Variants in FAT4 observed in about 807,000 individuals in gnomAD.
FAT4 encodes the protein protocadherin Fat 4.
Under a neutral mutation model 303.9 loss-of-function variants are expected in FAT4, and 84 were observed. The ratio of observed to expected loss-of-function variants is 0.28; its 90% CI spans 0.23 to 0.33. FAT4 has a LOEUF of 0.33. Among genes scored for constraint, FAT4 ranks in the 10% least tolerant of loss-of-function variants. FAT4 has a pLI of 1.00. For synonymous variants in FAT4, 2,307 were observed against 2,298.8 expected (o/e 1.00, Z -0.10); for missense variants, 6,005 against 6,146.8 (o/e 0.98, Z 0.77).
chr4:125,340,000 G>A (rs1731722314), intron 2 of FAT4, among the ~76,000 whole-genome samples: 1 of 151,914 alleles, frequency 6.6e-6, no homozygotes, highest in Admixed American at 6.6e-5. Context: ...GAAATGAATC[G>A]TGAATAAAAA....
At chr4:125,472,072 C>CAA (rs774403195) in intron 12 of FAT4, among the ~76,000 whole-genome samples, 12,495 of 73,162 alleles carry the variant, frequency 0.17, 1,202 homozygotes, top group Middle Eastern at 0.27. Context: ...GACTCTGTCT[C>CAA]AAAAAAAAAA....
intron 4 of FAT4, among the ~76,000 whole-genome samples, chr4:125,408,094 C>G (rs1734691897): frequency 6.6e-6 from 1 of 152,108 alleles, no homozygotes; most frequent in Admixed American, 6.6e-5. Flanking sequence ...TTGGAATCCT[C>G]AGTTCCTGAC....
chr4:125,442,538 CCTG>C (rs1725695198), intron 8 of FAT4, among the ~76,000 whole-genome samples: 1 of 152,056 alleles, frequency 6.6e-6, no homozygotes, highest in Non-Finnish European at 1.5e-5. Context: ...AAATTCCACA[CCTG>C]ATACCTTTGC....
intron 8 of FAT4, among the ~76,000 whole-genome samples, chr4:125,436,838 G>T (rs1031601320): frequency 6.6e-6 from 1 of 151,950 alleles, no homozygotes; most frequent in Admixed American, 6.6e-5. Flanking sequence ...GACACATGGG[G>T]ATTATTTTTA....
chr4:125,489,167 T>C lies in FAT4; in HGVS notation c.13085-734T>C, dbSNP rs140107531. Among the ~76,000 whole-genome samples, 252 of 152,338 alleles carry C rather than the reference T, an allele frequency of 1.7e-3. 1 individual carries two copies. Among genetic ancestry groups the C allele is most frequent in the Middle Eastern group, 6.8e-3 (2 of 294 alleles). ...TGTGAGAAAACAAACCAATGGAAAT[T>C]ACGCTTTTTGTAGTGTCAAAATAGA... On this transcript the variant is annotated intron_variant, in intron 17 of 17. Coordinates refer to ENST00000394329, the MANE Select transcript of FAT4 (RefSeq NM_001291303.3).
At chr4:125,484,331 A>G (rs1204213062) in intron 16 of FAT4, among the ~76,000 whole-genome samples, 1 of 152,186 alleles carries the variant, frequency 6.6e-6, no homozygotes, top group Non-Finnish European at 1.5e-5. Context: ...AAAACTTTGT[A>G]GGCCAATATT....
In FAT4 at chr4:125,448,999, T is replaced by C. The variant is rs1435133648; in HGVS notation, c.7989T>C (p.Asp2663=). Reference sequence around the variant, plus strand: ...AGAAACTTGATATAACAGTATTAGATGTCAATGATAATGCCCCAATTTTTA... The same window carrying C: ...AGAAACTTGATATAACAGTATTAGACGTCAATGATAATGCCCCAATTTTTA... ...SYEKLDITVL[D]VNDNAPIFKE... is the part of the protein sequence containing the mutation. Residue 2663 remains aspartate, a synonymous_variant, in exon 10 of 18, where the codon GAT becomes GAC. Coordinates refer to ENST00000394329, the MANE Select transcript of FAT4 (RefSeq NM_001291303.3). 8 of 1,613,948 alleles carry C rather than the reference T, an allele frequency of 5.0e-6. No individual in the cohort carries two copies. Among genetic ancestry groups the C allele is most frequent in the South Asian group, 4.4e-5 (4 of 91,078 alleles).
rs1725987827 is a variant in FAT4, at chr4:125,449,950, C to A, written c.8940C>A (p.Asp2980Glu). 1 of 1,613,564 alleles carries A rather than the reference C, an allele frequency of 6.2e-7. No individual in the cohort carries two copies. The highest frequency in any genetic ancestry group is 8.5e-7 in the Non-Finnish European group (1 of 1,179,862). ...TVTINIVDSN[D>E]NAPQFLKSKY... ...CCATCAATATAGTGGACAGTAATGA[C>A]AATGCACCTCAATTTCTTAAAAGTA... Residue 2980 changes from aspartate (D) to glutamate (E), a missense_variant, in exon 10 of 18, where the codon GAC becomes GAA. Transcript: ENST00000394329.
intron 2 of FAT4, among the ~76,000 whole-genome samples, chr4:125,385,024 ATTTT>A (rs70960372): frequency 6.6e-4 from 62 of 94,424 alleles, no homozygotes; most frequent in African/African-American, 2.4e-3. Flanking sequence ...ATATATATAT[ATTTT>A]TTTTTTTTTT....
At chr4:125,426,177 T>C (rs1053424482) in intron 7 of FAT4, among the ~76,000 whole-genome samples, 10 of 152,174 alleles carry the variant, frequency 6.6e-5, no homozygotes, top group Non-Finnish European at 1.5e-5. Context: ...TAATATGACA[T>C]TTTACATCCG....
chr4:125,407,282 G>A, intron 4 of FAT4, 141 bp downstream of exon 4: 1 of 782,596 alleles, frequency 1.3e-6, no homozygotes, highest in South Asian at 2.2e-5. Flanking sequence ...CTGGATTGTT[G>A]GATCTTTTCA....
chr4:125,317,496 C>T lies in FAT4; in HGVS notation c.1085C>T (p.Ser362Leu). 2 of 1,613,788 alleles carry T rather than the reference C, an allele frequency of 1.2e-6. No individual in the cohort carries two copies. The highest frequency in any genetic ancestry group is 1.1e-5 in the South Asian group (1 of 91,086). ...VVKFRYFPAT[S>L]RYASVDENAQ... is the part of the protein sequence containing the mutation. ...AAGTTCCGCTACTTCCCGGCCACCT[C>T]GCGCTACGCCTCGGTAGATGAGAAT... is the stretch of plus-strand genomic sequence containing the variant. The change falls in exon 2 of 18, where the codon TCG (serine) becomes TTG (leucine). Residue 362 changes from serine to leucine, a missense_variant. Ser to Leu is a moderately radical substitution (Grantham distance 145). Coordinates refer to ENST00000394329, the MANE Select transcript of FAT4 (RefSeq NM_001291303.3). This position sits in a 1 kb window ranked among gnomAD's most constrained non-coding sequence, Gnocchi z 7.0.
At chr4:125,385,617 G>A (rs1509290) in intron 2 of FAT4, among the ~76,000 whole-genome samples, 78,807 of 151,838 alleles carry the variant, frequency 0.52, 21,006 homozygotes, top group East Asian at 0.78. Context: ...TTGAGGAAGA[G>A]TGAGAGAGTA....
At chr4:125,387,854 A>T (rs1733814685) in intron 2 of FAT4, among the ~76,000 whole-genome samples, 1 of 152,178 alleles carries the variant, frequency 6.6e-6, no homozygotes, top group African/African-American at 2.4e-5. Flanking sequence ...TAATGAATTC[A>T]TTGTTTTGGC....
rs185094608 is a variant in FAT4 at position 125,346,317 on chromosome 4, G to T, written c.5175+24731G>T. ...TTCCTTCTTTTTGTTTTTCAAGTTG[G>T]GGTACAGTAAGCTTTGGGAAATAGA... On this transcript the variant is annotated intron_variant, in intron 2 of 17. Coordinates refer to ENST00000394329, the MANE Select transcript of FAT4 (RefSeq NM_001291303.3). Among the ~76,000 whole-genome samples, 11 of 151,982 alleles carry T rather than the reference G, an allele frequency of 7.2e-5. No homozygotes were observed. The East Asian group carries it at 2.1e-3, about 29-fold the overall frequency.
intron 2 of FAT4, among the ~76,000 whole-genome samples, chr4:125,385,024 A>T (rs9762433): frequency 0.18 from 16,575 of 94,298 alleles, 1,912 homozygotes; most frequent in East Asian, 0.32. Flanking sequence ...ATATATATAT[A>T]TTTTTTTTTT....
chr4:125,325,493 A>C (rs1731116300), intron 2 of FAT4, among the ~76,000 whole-genome samples: 1 of 152,166 alleles, frequency 6.6e-6, no homozygotes, highest in South Asian at 2.1e-4. Context: ...TGCATACTCA[A>C]ATATTTAAAA....
chr4:125,459,482 A>G (rs1578670703), intron 10 of FAT4, among the ~76,000 whole-genome samples: 1 of 152,104 alleles, frequency 6.6e-6, no homozygotes, highest in Non-Finnish European at 1.5e-5. Context: ...TTTCACCTTA[A>G]GCTATTCCCA....
chr4:125,416,281 G>T (rs1227832060), intron 6 of FAT4, among the ~76,000 whole-genome samples, 167 bp from the exon 7 acceptor site: 2 of 152,030 alleles, frequency 1.3e-5, no homozygotes, highest in African/African-American at 2.4e-5. Flanking sequence ...ATAGACTCGG[G>T]TGATATATAC....
Sources: gnomAD v4.1 joint callset for allele counts (sites outside exome capture counted in the v4.1 genomes callset) on GRCh38, gnomAD v4.1.1 for gene constraint, Gnocchi (gnomAD v3.1) non-coding constraint, MANE v1.5 for transcripts, NCBI Gene and HGNC (gene_info 2026-07-23, HGNC 2026-07-21) for gene names.